Variants in COL27A1 observed in about 807,000 individuals in gnomAD.
COL27A1 encodes the protein collagen type XXVII alpha 1 chain, also known as collagen alpha-1(XXVII) chain.
A neutral mutation model predicts 251.3 loss-of-function variants in COL27A1; 106 were observed. That is an observed-to-expected ratio of 0.42 (90% CI 0.36 to 0.50). The LOEUF is 0.50. Among genes scored for constraint, COL27A1 ranks in the 20% least tolerant of loss-of-function variants. COL27A1 has a pLI of 0.00. For missense variants in COL27A1, 2,325 were observed against 2,522.8 expected, an observed-to-expected ratio of 0.92 and a Z score of 1.68; for synonymous variants, 1,000 against 986.3, an observed-to-expected ratio of 1.01 and a Z score of -0.26.
chr9:114,302,191 C>T, intron 56 of COL27A1, 83 bp downstream of exon 56: 1 of 1,192,092 alleles, frequency 8.4e-7, no homozygotes, highest in Non-Finnish European at 1.3e-6. Context: ...CTCTCTGGCC[C>T]TGGTGGCTAG....
At chr9:114,231,691 C>G in intron 15 of COL27A1, 131 bp from the exon 16 acceptor site, 1 of 894,910 alleles carries the variant, frequency 1.1e-6, no homozygotes. Context: ...CATTTGCCCC[C>G]TTTTACAGAT....
At chr9:114,294,143 G>C (rs997553293) in intron 49 of COL27A1, among the ~76,000 whole-genome samples, 44 of 151,062 alleles carry the variant, frequency 2.9e-4, no homozygotes, top group Admixed American at 2.7e-3. Flanking sequence ...AGCTACTCAG[G>C]AGGCTGAGGC....
At position 114,288,961 on chromosome 9, in the gene COL27A1, C is replaced by T; in HGVS notation, c.4146C>T (p.Gly1382=). The T allele has an allele frequency of 1.2e-6, 2 of 1,613,698 alleles. No homozygotes were observed. The highest frequency in any genetic ancestry group is 2.2e-5 in the East Asian group (1 of 44,876). ...TCCGTGGAAAGCCAGGCCAGCAGGG[C>T]CAACCCGTGAGTGGTGCTTCGTGTC... ...QGLRGKPGQQ[G]QPGHPGPRGW... The change falls in exon 44 of 61, where the codon GGC becomes GGT. Residue 1382 remains glycine (G), a synonymous_variant. Coordinates refer to ENST00000356083, the MANE Select transcript of COL27A1 (RefSeq NM_032888.4).
chr9:114,236,906 C>A, intron 17 of COL27A1, 75 bp from the exon 18 acceptor site: 2 of 1,386,414 alleles, frequency 1.4e-6, no homozygotes, highest in Non-Finnish European at 2.0e-6. Flanking sequence ...CTGGGACCAG[C>A]AGGAGGACTG....
intron 37 of COL27A1, among the ~76,000 whole-genome samples, chr9:114,277,639 G>T (rs1835592625): frequency 6.6e-6 from 1 of 152,248 alleles, no homozygotes; most frequent in Non-Finnish European, 1.5e-5. Flanking sequence ...AGGGCGCTGA[G>T]TCAGCCAGGA....
chr9:114,258,663 C>A, intron 28 of COL27A1, 69 bp downstream of exon 28: 1 of 1,485,996 alleles, frequency 6.7e-7, no homozygotes, highest in Non-Finnish European at 9.3e-7. Context: ...GGGCCATCTG[C>A]CAGAGACTGC....
intron 57 of COL27A1, 63 bp downstream of exon 57, chr9:114,304,736 C>A: frequency 7.0e-7 from 1 of 1,434,026 alleles, no homozygotes; most frequent in Non-Finnish European, 9.8e-7. Flanking sequence ...TAGATAATGG[C>A]CCACATGTGG....
At chr9:114,159,367 C>T (rs574191111) in intron 1 of COL27A1, among the ~76,000 whole-genome samples, 4 of 152,238 alleles carry the variant, frequency 2.6e-5, no homozygotes, top group Admixed American at 2.6e-4. Flanking sequence ...CCTTCTCTTC[C>T]CCACCTCGCC....
intron 3 of COL27A1, among the ~76,000 whole-genome samples, chr9:114,174,577 G>A (rs888579963): frequency 8.5e-5 from 13 of 152,158 alleles, no homozygotes; most frequent in Non-Finnish European, 5.9e-5. Context: ...GTCAAGGAAG[G>A]CCGGGGTATA....
In COL27A1 at chr9:114,302,193, G is replaced by A. The variant is rs1828697662; in HGVS notation, c.4872+85G>A. On this transcript the variant is annotated intron_variant, in intron 56 of 60. Coordinates refer to ENST00000356083, the MANE Select transcript of COL27A1 (RefSeq NM_032888.4). ...GAGGCTGCTGGCCCTCTCTGGCCCT[G>A]GTGGCTAGAGCCCTAAGCTGGGTCT... The A allele has an allele frequency of 7.8e-6, 9 of 1,152,510 alleles. 1 individual carries two copies. In the Admixed American group the frequency reaches 1.5e-4, roughly 20 times the overall value. The allele number at this position is 1,152,510 out of a possible 1,614,324, so 71.4% of individuals were successfully genotyped here.
At chr9:114,233,825 A>C (rs1384024986) in intron 16 of COL27A1, among the ~76,000 whole-genome samples, 4 of 152,192 alleles carry the variant, frequency 2.6e-5, no homozygotes, top group Admixed American at 2.6e-4. Context: ...AGGAAAATCA[A>C]ATGTCTTTAG....
chr9:114,210,243 G>A (rs1034096558), intron 11 of COL27A1, among the ~76,000 whole-genome samples: 3 of 152,236 alleles, frequency 2.0e-5, no homozygotes, highest in Non-Finnish European at 4.4e-5. Flanking sequence ...TATTGTCAAT[G>A]CCGCTTTCTC....
Position 114,264,413 on chromosome 9 carries a change from C to T in COL27A1, c.3249+5C>T, listed in dbSNP as rs755931742. 14 of 1,574,250 alleles carry T rather than the reference C, an allele frequency of 8.9e-6. No individual in the cohort carries two copies. Among genetic ancestry groups the T allele is most frequent in the East Asian group, 2.3e-5 (1 of 43,440 alleles). ...CAAGGGTCCAGGGGCCTGAAGGTACCGACCCCTAGGACCTGCCCTTCCTCA... is the reference window on the plus strand; with the variant it reads ...CAAGGGTCCAGGGGCCTGAAGGTACTGACCCCTAGGACCTGCCCTTCCTCA... On this transcript the variant is annotated splice_donor_5th_base_variant and intron_variant, in intron 29 of 60. Transcript: ENST00000356083.
chr9:114,249,343 C>G (rs934055257), intron 24 of COL27A1, among the ~76,000 whole-genome samples: 7 of 152,224 alleles, frequency 4.6e-5, no homozygotes, highest in African/African-American at 1.7e-4. Flanking sequence ...ATCCCTCTTA[C>G]CTTATACTTC....
chr9:114,268,100 G>T (rs143579651), intron 34 of COL27A1, among the ~76,000 whole-genome samples: 1 of 152,200 alleles, frequency 6.6e-6, no homozygotes, highest in South Asian at 2.1e-4. Flanking sequence ...GGACCAGGCC[G>T]GGGGCTGCCA....
At chr9:114,265,850 G>A (rs774553759) in intron 32 of COL27A1, among the ~76,000 whole-genome samples, 1 of 152,240 alleles carries the variant, frequency 6.6e-6, no homozygotes, top group Non-Finnish European at 1.5e-5. Flanking sequence ...TGGCTGAAGT[G>A]GAAAGCGGGA....
intron 36 of COL27A1, chr9:114,271,009 C>T: frequency 1.9e-6 from 1 of 521,356 alleles, no homozygotes; most frequent in Non-Finnish European, 3.3e-6. Context: ...CACCACCTTC[C>T]AGTCTTTCCT....
intron 14 of COL27A1, among the ~76,000 whole-genome samples, chr9:114,225,913 G>A (rs10982115): frequency 0.023 from 3,525 of 152,228 alleles, 107 homozygotes; most frequent in East Asian, 0.082. Context: ...GAGGCCTTGC[G>A]AAGCCGAGGT....
intron 4 of COL27A1, 64 bp downstream of exon 4, chr9:114,178,408 C>G (rs1667888109): frequency 1.4e-6 from 2 of 1,457,586 alleles, no homozygotes; most frequent in Non-Finnish European, 1.9e-6. Flanking sequence ...CTCACTGCCC[C>G]TGAGGTCTCG....
Sources: gnomAD v4.1 joint callset for allele counts (sites outside exome capture counted in the v4.1 genomes callset) on GRCh38, gnomAD v4.1.1 for gene constraint, MANE v1.5 for transcripts, NCBI Gene and HGNC (gene_info 2026-07-23, HGNC 2026-07-21) for gene names.